Variants in LARP1 observed in about 807,000 individuals in gnomAD.
LARP1 encodes la-related protein 1.
A neutral mutation model predicts 122.7 loss-of-function variants in LARP1; 36 were observed. That is an observed-to-expected ratio of 0.29 (90% CI 0.22 to 0.39). The LOEUF is 0.39. LARP1 is among the 10% of genes least tolerant of loss of function. The probability of loss-of-function intolerance (pLI) is 1.00; values close to 1 mark genes in which losing one functional copy is unlikely to be tolerated. For missense variants in LARP1, 1,040 were observed against 1,403.6 expected (o/e 0.74, Z 4.14); for synonymous variants, 539 against 528.7 (o/e 1.02, Z -0.27).
intron 7 of LARP1, 78 bp downstream of exon 7, chr5:154,794,340 G>A: frequency 4.1e-6 from 6 of 1,451,356 alleles, no homozygotes; most frequent in African/African-American, 1.4e-5. Context: ...AGCTGGGCAG[G>A]CCCTTCTGGT....
intron 1 of LARP1, among the ~76,000 whole-genome samples, chr5:154,759,935 GTTTGTTTGTTTGTTTGT>G (rs1016623007): frequency 2.2e-5 from 3 of 133,712 alleles, no homozygotes; most frequent in African/African-American, 9.6e-5. Context: ...TTGTTTGTTT[GTTTGTTTGTTTGTTTGT>G]TTTTTTGGAG....
At position 154,704,127 on chromosome 5, in the gene LARP1, C is replaced by A. The variant is rs182116974; in HGVS notation, c.-180+21090C>A. ...ATTATTTAACCCATTTCCCATTTAC[C>A]CCCAGAAATGAACACTGGCAACAAG... On this transcript the variant is annotated intron_variant, in intron 1 of 18. Transcript: ENST00000687700. Among the ~76,000 whole-genome samples the A allele has an allele frequency of 4.2e-3, 645 of 152,170 alleles. 12 individuals carry two copies. The highest frequency in any genetic ancestry group is 0.015 in the African/African-American group (615 of 41,492).
intron 1 of LARP1, among the ~76,000 whole-genome samples, chr5:154,748,387 A>G (rs1421038356): frequency 6.6e-6 from 1 of 152,226 alleles, no homozygotes; most frequent in African/African-American, 2.4e-5. Context: ...TGAATAAGGT[A>G]TAATCCCTGC....
At chr5:154,732,769 T>TA (rs1756663605) in intron 1 of LARP1, among the ~76,000 whole-genome samples, 1 of 152,170 alleles carries the variant, frequency 6.6e-6, no homozygotes, top group Non-Finnish European at 1.5e-5. Flanking sequence ...ATGGATGTGA[T>TA]ATATATTTAA....
At chr5:154,760,261 C>T (rs1032093716) in intron 1 of LARP1, among the ~76,000 whole-genome samples, 2 of 152,186 alleles carry the variant, frequency 1.3e-5, no homozygotes, top group South Asian at 2.1e-4. Context: ...TACTTCTGAT[C>T]CTGCTCATGA....
intron 1 of LARP1, among the ~76,000 whole-genome samples, chr5:154,697,998 T>A (rs1412643715): frequency 3.9e-5 from 6 of 152,006 alleles, no homozygotes; most frequent in Non-Finnish European, 7.4e-5. Context: ...GCTAATTTTT[T>A]AATTTTCAGT....
chr5:154,809,928 C>T (rs529364888), intron 16 of LARP1, among the ~76,000 whole-genome samples: 65 of 151,906 alleles, frequency 4.3e-4, no homozygotes, highest in African/African-American at 1.4e-3. Flanking sequence ...AGGATGGTCT[C>T]GATCTCCTGA....
chr5:154,792,377 A>T (rs139068790), intron 3 of LARP1, among the ~76,000 whole-genome samples: 1 of 152,324 alleles, frequency 6.6e-6, no homozygotes, highest in Non-Finnish European at 1.5e-5. Context: ...GCTGTCCTGA[A>T]GGTTGTCTCT....
chr5:154,790,300 T>G, intron 1 of LARP1, 25 bp from the exon 2 acceptor site: 1 of 1,607,400 alleles, frequency 6.2e-7, no homozygotes, highest in Non-Finnish European at 8.5e-7. Context: ...TTTGCATTAC[T>G]AACTCTCCCT....
rs1451243353 is a variant in LARP1 at position 154,814,360 on chromosome 5, T to A, written c.*264T>A. The A allele has an allele frequency of 3.7e-6, 1 of 269,818 alleles. No individual in the cohort carries two copies. The highest frequency in any genetic ancestry group is 2.2e-5 in the African/African-American group (1 of 45,520). 16.7% of individuals were successfully genotyped at this position (269,818 alleles called of 1,614,324 possible). ...TAAGGGGGGAGGGAAAGGGGGGAGA[T>A]TTTTATATATATATACATATATATA... On this transcript the variant is annotated 3_prime_UTR_variant, in exon 19 of 19. Transcript: ENST00000518297.
chr5:154,733,159 T>C (rs925430330), intron 1 of LARP1, among the ~76,000 whole-genome samples: 2 of 152,222 alleles, frequency 1.3e-5, no homozygotes, highest in Admixed American at 6.5e-5. Flanking sequence ...ACAAATATAC[T>C]ATAGCCACCA....
intron 1 of LARP1, among the ~76,000 whole-genome samples, chr5:154,698,576 G>A (rs574617486): frequency 5.9e-5 from 9 of 152,302 alleles, no homozygotes; most frequent in East Asian, 3.9e-4. Context: ...CAGCCTGGGC[G>A]ACAAGAGCGA....
chr5:154,776,512 C>A (rs564775951), intron 1 of LARP1, among the ~76,000 whole-genome samples: 2 of 152,326 alleles, frequency 1.3e-5, no homozygotes, highest in East Asian at 3.9e-4. Context: ...CCTGTCTATA[C>A]AAGTGAGACC....
At chr5:154,781,958 C>T (rs1026676010) in intron 1 of LARP1, among the ~76,000 whole-genome samples, 2 of 152,120 alleles carry the variant, frequency 1.3e-5, no homozygotes, top group Admixed American at 1.3e-4. Flanking sequence ...CCCTGAAGAT[C>T]TTAAATTGTA....
chr5:154,732,036 A>G (rs1192286522), intron 1 of LARP1, among the ~76,000 whole-genome samples: 4 of 142,564 alleles, frequency 2.8e-5, no homozygotes, highest in South Asian at 4.8e-4. Context: ...AAAAAAAAAA[A>G]TTAGCCAGAT....
intron 1 of LARP1, among the ~76,000 whole-genome samples, chr5:154,787,471 G>T (rs1204531334): frequency 6.6e-6 from 1 of 152,226 alleles, no homozygotes; most frequent in African/African-American, 2.4e-5. Context: ...TGGTGGCTGA[G>T]ATGGATAATT....
intron 1 of LARP1, among the ~76,000 whole-genome samples, chr5:154,744,265 G>A (rs1027590163): frequency 6.6e-6 from 1 of 152,078 alleles, no homozygotes; most frequent in African/African-American, 2.4e-5. Flanking sequence ...TGAAGTCCAG[G>A]TACCTCCAGG....
At chr5:154,799,429 C>T (rs1164271731) in intron 8 of LARP1, among the ~76,000 whole-genome samples, 162 bp from the exon 9 acceptor site, 1 of 152,160 alleles carries the variant, frequency 6.6e-6, no homozygotes, top group Non-Finnish European at 1.5e-5. Flanking sequence ...GTTTGAACAT[C>T]TCACATTATC....
chr5:154,784,872 A>G (rs1181179968), intron 1 of LARP1, among the ~76,000 whole-genome samples: 5 of 152,232 alleles, frequency 3.3e-5, no homozygotes, highest in Non-Finnish European at 7.3e-5. Flanking sequence ...TAGTGAAAAC[A>G]CTTTTAAATC....
Sources: gnomAD v4.1 joint callset for allele counts (sites outside exome capture counted in the v4.1 genomes callset) on GRCh38, gnomAD v4.1.1 for gene constraint, MANE v1.5 for transcripts, NCBI Gene and HGNC (gene_info 2026-07-23, HGNC 2026-07-21) for gene names.